ADAMTS18: variants seen among roughly 807,000 people sequenced by gnomAD.
ADAMTS18 encodes ADAM metallopeptidase with thrombospondin type 1 motif 18.
A neutral mutation model predicts 165.9 loss-of-function variants in ADAMTS18; 157 were observed. That is an observed-to-expected ratio of 0.95 (90% CI 0.83 to 1.08). ADAMTS18 has a LOEUF of 1.08. Among genes scored for constraint, ADAMTS18 ranks in the 50% least tolerant of loss-of-function variants. The pLI is 0.00. For missense variants in ADAMTS18, 2,040 were observed against 1,534.0 expected (o/e 1.33, Z -5.51); for synonymous variants, 782 against 578.2 (o/e 1.35, Z -5.06).
intron 16 of ADAMTS18, among the ~76,000 whole-genome samples, chr16:77,308,823 T>A (rs1386456989): frequency 6.6e-6 from 1 of 152,192 alleles, no homozygotes; most frequent in Non-Finnish European, 1.5e-5. Context: ...TTCACTCTGA[T>A]CTTCAGTTTT....
At chr16:77,294,768 A>G (rs2063497969) in intron 19 of ADAMTS18, among the ~76,000 whole-genome samples, 155 bp downstream of exon 19, 1 of 152,206 alleles carries the variant, frequency 6.6e-6, no homozygotes, top group Admixed American at 6.5e-5. Flanking sequence ...GATTTCCTAA[A>G]GAACATTAGT....
rs983250922 is a variant in ADAMTS18, at chr16:77,283,039, G to C, written c.*917C>G. On this transcript the variant is annotated 3_prime_UTR_variant, in exon 23 of 23. Coordinates refer to ENST00000282849, the MANE Select transcript of ADAMTS18 (RefSeq NM_199355.4). ...GTAGTATGTACAGAGCATTATAAAT[G>C]ATGGTCCTTTCTCCCTCAAAACACT... 6.7e-6 allele frequency: 1 copy of C among 150,078 alleles called. No individual in the cohort carries two copies. Among genetic ancestry groups the C allele is most frequent in the African/African-American group, 2.4e-5 (1 of 40,822 alleles). The allele number at this position is 150,078 out of a possible 1,614,324, so 9.3% of individuals were successfully genotyped here.
chr16:77,291,315 T>C lies in ADAMTS18; in HGVS notation c.3353A>G (p.His1118Arg), dbSNP rs527684984. 6.2e-7 allele frequency: 1 copy of C among 1,614,090 alleles called. No individual in the cohort carries two copies. The highest frequency in any genetic ancestry group is 8.5e-7 in the Non-Finnish European group (1 of 1,180,036). ...ETCNRRACPA[H>R]PVYNMVAGWY... The stretch of plus-strand genomic sequence containing the variant: ...TCCAGCTACCATGTTGTACACTGGA[T>C]GGGCTGGGCAAGCCCGTCGGTTGCA... The change falls in exon 21 of 23, where the codon CAT becomes CGT. Residue 1118 changes from histidine to arginine, a missense_variant. Physicochemically the swap from His to Arg is conservative, Grantham distance 29. Transcript: ENST00000282849.
At chr16:77,337,356 C>T (rs1294394898) in intron 11 of ADAMTS18, among the ~76,000 whole-genome samples, 2 of 152,200 alleles carry the variant, frequency 1.3e-5, no homozygotes, top group African/African-American at 4.8e-5. Flanking sequence ...GGTTATCAAG[C>T]TGCTTCTATG....
intron 16 of ADAMTS18, among the ~76,000 whole-genome samples, chr16:77,312,208 C>T (rs1397855959): frequency 6.6e-6 from 1 of 151,980 alleles, no homozygotes; most frequent in Non-Finnish European, 1.5e-5. Context: ...GGAGGCCAAT[C>T]TTCCATTCCT....
chr16:77,416,820 G>C (rs371746077), intron 3 of ADAMTS18, among the ~76,000 whole-genome samples: 1 of 152,300 alleles, frequency 6.6e-6, no homozygotes, highest in African/African-American at 2.4e-5. Context: ...AGATGAAAGA[G>C]TCATTAGAGA....
chr16:77,371,421 G>C (rs980417620), intron 3 of ADAMTS18, among the ~76,000 whole-genome samples: 2 of 151,982 alleles, frequency 1.3e-5, no homozygotes, highest in Non-Finnish European at 2.9e-5. Context: ...ACATGGCATA[G>C]GAATAAAACA....
At chr16:77,403,442 C>T (rs1366632696) in intron 3 of ADAMTS18, among the ~76,000 whole-genome samples, 3 of 152,190 alleles carry the variant, frequency 2.0e-5, no homozygotes, top group Non-Finnish European at 4.4e-5. Flanking sequence ...TATCCTCAGA[C>T]TCTGTGCTTC....
intron 2 of ADAMTS18, 144 bp from the exon 3 acceptor site, chr16:77,431,755 G>C: frequency 1.2e-6 from 1 of 851,292 alleles, no homozygotes; most frequent in Non-Finnish European, 1.9e-6. Context: ...ATAATTCAGA[G>C]CAGCACAGGC....
intron 16 of ADAMTS18, among the ~76,000 whole-genome samples, chr16:77,308,578 GAA>G (rs58305642): frequency 0.33 from 48,452 of 146,014 alleles, 9,177 homozygotes; most frequent in East Asian, 0.87. Context: ...AGCTAATCAT[GAA>G]AAAAAAAAAA....
chr16:77,350,690 A>T (rs1186619460), intron 10 of ADAMTS18, among the ~76,000 whole-genome samples: 2 of 152,122 alleles, frequency 1.3e-5, no homozygotes, highest in East Asian at 3.9e-4. Flanking sequence ...AGCGACCCTC[A>T]ATCTTGACTG....
At chr16:77,392,377 G>A (rs1031827167) in intron 3 of ADAMTS18, among the ~76,000 whole-genome samples, 1 of 152,110 alleles carries the variant, frequency 6.6e-6, no homozygotes, top group Non-Finnish European at 1.5e-5. Flanking sequence ...AATATGCCCA[G>A]TATGGTGCTC....
intron 16 of ADAMTS18, among the ~76,000 whole-genome samples, chr16:77,312,288 G>A (rs1335399140): frequency 2.0e-5 from 3 of 151,666 alleles, no homozygotes; most frequent in East Asian, 3.9e-4. Context: ...CCAGGCTGGA[G>A]TGCAATGGCA....
At chr16:77,419,662 C>T (rs1252968512) in intron 3 of ADAMTS18, among the ~76,000 whole-genome samples, 2 of 152,094 alleles carry the variant, frequency 1.3e-5, no homozygotes, top group Non-Finnish European at 2.9e-5. Flanking sequence ...AGACTGAATA[C>T]TTGGAGAAAG....
At chr16:77,314,674 C>T (rs1194061141) in intron 16 of ADAMTS18, among the ~76,000 whole-genome samples, 1 of 125,180 alleles carries the variant, frequency 8.0e-6, no homozygotes, top group East Asian at 2.2e-4. Context: ...TACATATATA[C>T]ATACGATTGA....
At chr16:77,403,136 T>G (rs529892715) in intron 3 of ADAMTS18, among the ~76,000 whole-genome samples, 1 of 152,344 alleles carries the variant, frequency 6.6e-6, no homozygotes, top group South Asian at 2.1e-4. Flanking sequence ...AAATTTGTAG[T>G]TAAGGCAACT....
chr16:77,428,786 T>C (rs2057703783), intron 3 of ADAMTS18, among the ~76,000 whole-genome samples: 1 of 152,180 alleles, frequency 6.6e-6, no homozygotes, highest in South Asian at 2.1e-4. Flanking sequence ...CAGAATATAT[T>C]CTGCAAATAT....
rs146653002 is a variant in ADAMTS18, at chr16:77,328,534, T to G, written c.1860-2496A>C. Among the ~76,000 whole-genome samples, 559 of 152,290 alleles carry G rather than the reference T, an allele frequency of 3.7e-3. 3 individuals are homozygous for G. Among genetic ancestry groups the G allele is most frequent in the Non-Finnish European group, 5.9e-3 (399 of 68,026 alleles). ...CCAGAATGAGATTTTTATGCTATTT[T>G]AAAACACTCTGGAGCAACTACTTAA... On this transcript the variant is annotated intron_variant, in intron 12 of 22. Transcript: ENST00000282849.
At chr16:77,357,195 T>C (rs894369481) in intron 8 of ADAMTS18, among the ~76,000 whole-genome samples, 1 of 152,118 alleles carries the variant, frequency 6.6e-6, no homozygotes, top group African/African-American at 2.4e-5. Context: ...TTGAAAGTAG[T>C]CTATACCAAA....
Sources: allele counts gnomAD v4.1 joint callset (sites outside exome capture counted in the v4.1 genomes callset), GRCh38; gene constraint gnomAD v4.1.1; transcripts MANE v1.5; gene names NCBI Gene and HGNC (gene_info 2026-07-23, HGNC 2026-07-21).